The following BICRAL variants were observed in gnomAD, a reference collection of about 807,000 sequenced individuals.
BICRAL encodes BICRA like chromatin remodeling complex associated protein.
BICRAL carries 8 observed loss-of-function variants against 91.8 expected under a neutral mutation model. That is an observed-to-expected ratio of 0.09 (90% CI 0.05 to 0.16). BICRAL has a LOEUF of 0.16. Ranked by LOEUF, BICRAL falls within the 10% of genes least tolerant of loss-of-function variation. The probability of loss-of-function intolerance (pLI) is 1.00; values close to 1 mark genes in which losing one functional copy is unlikely to be tolerated. For synonymous variants in BICRAL, 445 were observed against 491.1 expected (o/e 0.91, Z 1.24); for missense variants, 1,038 against 1,310.9 (o/e 0.79, Z 3.21).
intron 1 of BICRAL, among the ~76,000 whole-genome samples, chr6:42,749,394 G>A (rs1214495697): frequency 6.6e-6 from 1 of 152,198 alleles, no homozygotes; most frequent in Admixed American, 6.6e-5. Context: ...GGGAAGTGGA[G>A]GGAGATGAAG....
chr6:42,859,653 T>A (rs1006506829), intron 10 of BICRAL, among the ~76,000 whole-genome samples: 20 of 152,106 alleles, frequency 1.3e-4, no homozygotes, highest in African/African-American at 4.1e-4. Context: ...TATATATATT[T>A]TTTTTTGAGA....
At chr6:42,755,937 G>T (rs908230441) in intron 1 of BICRAL, among the ~76,000 whole-genome samples, 1 of 151,878 alleles carries the variant, frequency 6.6e-6, no homozygotes, top group African/African-American at 2.4e-5. Context: ...GCCTCCCAAA[G>T]TGTTAGGATT....
intron 1 of BICRAL, among the ~76,000 whole-genome samples, chr6:42,788,370 A>G (rs1296001272): frequency 2.0e-5 from 3 of 151,854 alleles, no homozygotes; most frequent in Non-Finnish European, 4.4e-5. Flanking sequence ...AATTACAGGT[A>G]TGCACCACCA....
upstream of BICRAL, among the ~76,000 whole-genome samples, chr6:42,779,251 C>G (rs1762848970): frequency 6.7e-6 from 1 of 149,792 alleles, no homozygotes; most frequent in African/African-American, 2.5e-5. Context: ...CACACACACA[C>G]ACACACACAC....
chr6:42,801,874 C>G (rs1763582995), intron 1 of BICRAL, among the ~76,000 whole-genome samples: 1 of 142,056 alleles, frequency 7.0e-6, no homozygotes, highest in South Asian at 2.4e-4. Flanking sequence ...CAGAGTGAGA[C>G]TCCATCTCAA....
intron 5 of BICRAL, among the ~76,000 whole-genome samples, chr6:42,827,258 C>T (rs1764333026): frequency 6.6e-6 from 1 of 152,124 alleles, no homozygotes; most frequent in East Asian, 1.9e-4. Flanking sequence ...TCAGAAAGTC[C>T]TTGGGATGGA....
chr6:42,756,236 C>T (rs190528982), intron 1 of BICRAL, among the ~76,000 whole-genome samples: 3 of 152,194 alleles, frequency 2.0e-5, no homozygotes, highest in Non-Finnish European at 4.4e-5. Flanking sequence ...TGCCCTATTC[C>T]CATTCCTTCC....
At position 42,828,558 on chromosome 6, in the gene BICRAL, A is replaced by G. The variant is rs138700016; in HGVS notation, c.225A>G (p.Gly75=). The G allele has an allele frequency of 4.3e-6, 7 of 1,613,894 alleles. No homozygotes were observed. Among genetic ancestry groups the G allele is most frequent in the Non-Finnish European group, 5.9e-6 (7 of 1,179,906 alleles). ...AGCTTGGAGAAGGGCCCAGTGATGG[A>G]CTGCCACTTTCAAGTAGCCTCCAGT... ...SNQLGEGPSD[G]LPLSSSLQFL... The change falls in exon 6 of 13, where the codon GGA becomes GGG. Residue 75 remains glycine, a synonymous_variant. Coordinates refer to ENST00000314073, the MANE Select transcript of BICRAL (RefSeq NM_001393499.1).
At chr6:42,787,427 C>T (rs1347384483) in intron 1 of BICRAL, among the ~76,000 whole-genome samples, 1 of 151,964 alleles carries the variant, frequency 6.6e-6, no homozygotes, top group East Asian at 1.9e-4. Context: ...CACTAGTATA[C>T]AGATGGCATG....
chr6:42,761,992 A>G (rs1441909999), intron 1 of BICRAL, among the ~76,000 whole-genome samples: 1 of 152,168 alleles, frequency 6.6e-6, no homozygotes, highest in Non-Finnish European at 1.5e-5. Flanking sequence ...GAAAAGTACC[A>G]AGTATTGGGC....
At chr6:42,818,630 A>T (rs1300983903) in intron 2 of BICRAL, among the ~76,000 whole-genome samples, 1 of 151,384 alleles carries the variant, frequency 6.6e-6, no homozygotes, top group Non-Finnish European at 1.5e-5. Context: ...ACATCCTTAG[A>T]CTTTCCTCAC....
chr6:42,856,052 C>T, intron 9 of BICRAL, 135 bp downstream of exon 9: 1 of 740,338 alleles, frequency 1.4e-6, no homozygotes, highest in Admixed American at 1.9e-5. Flanking sequence ...TGAGGCAAGG[C>T]ATGGTGACTC....
chr6:42,761,451 AAATT>A (rs200176935), intron 1 of BICRAL, among the ~76,000 whole-genome samples: 166 of 148,364 alleles, frequency 1.1e-3, no homozygotes, highest in East Asian at 5.2e-3. Context: ...TGCAATAAAT[AAATT>A]AATTAATTAA....
At chr6:42,860,835 G>A (rs758672374) in intron 11 of BICRAL, among the ~76,000 whole-genome samples, 9 of 152,154 alleles carry the variant, frequency 5.9e-5, no homozygotes, top group Admixed American at 2.0e-4. Flanking sequence ...CATTTAAAGT[G>A]TACAACTGAG....
rs866291471 is a variant in BICRAL at position 42,864,902 on chromosome 6, G to A, written c.2696G>A (p.Cys899Tyr). Reference protein sequence around the residue: ...AEGNISKKTECLGRALKFDKV... With the variant: ...AEGNISKKTEYLGRALKFDKV... ...GGAAACATTTCTAAAAAAACAGAAT[G>A]CCTTGGCAGAGCACTGAAATTTGAC... The change falls in exon 13 of 13, where the codon TGC becomes TAC. Residue 899 changes from cysteine to tyrosine, a missense_variant. Physicochemically the swap from Cys to Tyr is radical, Grantham distance 194. Coordinates refer to ENST00000314073, the MANE Select transcript of BICRAL (RefSeq NM_001393499.1). 2.5e-6 allele frequency: 4 copies of A among 1,614,162 alleles called. No homozygotes were observed. In the Admixed American group the frequency reaches 6.7e-5, roughly 27 times the overall value.
chr6:42,822,414 G>C (rs1171617113), intron 3 of BICRAL, among the ~76,000 whole-genome samples: 1 of 147,860 alleles, frequency 6.8e-6, no homozygotes. Context: ...CTAATTTTTT[G>C]TGTTTTTTTT....
upstream of BICRAL, among the ~76,000 whole-genome samples, chr6:42,777,797 C>G (rs1014026536): frequency 6.6e-6 from 1 of 151,864 alleles, no homozygotes; most frequent in African/African-American, 2.4e-5. Context: ...TTTTACTGTC[C>G]AGTTGCCTTT....
Position 42,844,561 on chromosome 6 carries a change from A to C in BICRAL, c.1840-7531A>C, listed in dbSNP as rs1335180388. On this transcript the variant is annotated intron_variant, in intron 6 of 12. Coordinates refer to ENST00000314073, the MANE Select transcript of BICRAL (RefSeq NM_001393499.1). ...AAAAAAAAAAGAGGGTGTTGCAGAA[A>C]GAAGATCCACAGAGTGATGCACACT... is the stretch of plus-strand genomic sequence containing the variant. Among the ~76,000 whole-genome samples the C allele has an allele frequency of 2.0e-5, 3 of 146,582 alleles. 1 individual carries two copies. The highest frequency in any genetic ancestry group is 4.5e-5 in the Non-Finnish European group (3 of 66,966).
At chr6:42,814,218 G>C (rs1414346994) in intron 2 of BICRAL, among the ~76,000 whole-genome samples, 1 of 136,946 alleles carries the variant, frequency 7.3e-6, no homozygotes, top group African/African-American at 2.7e-5. Flanking sequence ...AAGGTATCTC[G>C]TATTGGCTCT....
Sources: gnomAD v4.1 joint callset for allele counts (sites outside exome capture counted in the v4.1 genomes callset) on GRCh38, gnomAD v4.1.1 for gene constraint, MANE v1.5 for transcripts, NCBI Gene and HGNC (gene_info 2026-07-23, HGNC 2026-07-21) for gene names.